TP53INP2: variants seen among roughly 807,000 people sequenced by gnomAD.
TP53INP2 encodes the protein tumor protein p53-inducible nuclear protein 2.
In TP53INP2, 12 loss-of-function variants were observed where a neutral mutation model predicts 17.1. The ratio of observed to expected loss-of-function variants is 0.70; its 90% CI spans 0.45 to 1.14. The LOEUF is 1.14. Ranked by LOEUF, TP53INP2 falls within the 50% of genes most tolerant of loss-of-function variation. TP53INP2 has a pLI of 0.00. For missense variants in TP53INP2, 342 were observed against 330.9 expected, an observed-to-expected ratio of 1.03 and a Z score of -0.26; for synonymous variants, 145 against 147.3, an observed-to-expected ratio of 0.98 and a Z score of 0.12.
In TP53INP2 at chr20:34,710,447, A is replaced by T; in HGVS notation, c.*140A>T. On this transcript the variant is annotated 3_prime_UTR_variant, in exon 5 of 5. Coordinates refer to ENST00000374810, the MANE Select transcript of TP53INP2 (RefSeq NM_021202.3). This position sits in a 1 kb window ranked among gnomAD's most constrained non-coding sequence, Gnocchi z 4.9. ...TAGCCGTTCCTTCCCCGACACCCTC[A>T]ATTTCCCCATCTCTGATCCTCTAAT... The T allele has an allele frequency of 1.1e-6, 1 of 951,774 alleles. No homozygotes were observed. Among genetic ancestry groups the T allele is most frequent in the Non-Finnish European group, 1.4e-6 (1 of 728,684 alleles). The allele number at this position is 951,774 out of a possible 1,614,324, so 59.0% of individuals were successfully genotyped here. A position where few individuals can be genotyped will look rare whatever the true frequency, so the allele number is the denominator to read the frequency against.
rs1206459332 is a variant in TP53INP2, at chr20:34,709,175, G to C, written c.125-61G>C. ...CCCCTTGTCCGGTGTGTGTGTGTGT[G>C]TGTGTGTGTGCCTCCTCGCTGCTCC... On this transcript the variant is annotated intron_variant, in intron 3 of 4. Coordinates refer to ENST00000374810, the MANE Select transcript of TP53INP2 (RefSeq NM_021202.3). This position sits in a 1 kb window ranked among gnomAD's most constrained non-coding sequence, Gnocchi z 5.4. 1 of 1,491,772 alleles carries C rather than the reference G, an allele frequency of 6.7e-7. No homozygotes were observed. Among genetic ancestry groups the C allele is most frequent in the Non-Finnish European group, 8.9e-7 (1 of 1,120,646 alleles). The allele number at this position is 1,491,772 out of a possible 1,614,324, so 92.4% of individuals were successfully genotyped here.
rs200318321 is a variant in TP53INP2, at chr20:34,709,324, G to C, written c.213G>C (p.Trp71Cys). Residue 71 changes from tryptophan (W) to cysteine (C), a missense_variant, in exon 4 of 5, where the codon TGG becomes TGC. Physicochemically the swap from Trp to Cys is radical, Grantham distance 215 (BLOSUM62 -2). Coordinates refer to ENST00000374810, the MANE Select transcript of TP53INP2 (RefSeq NM_021202.3). This position sits in a 1 kb window ranked among gnomAD's most constrained non-coding sequence, Gnocchi z 5.4. ...PPAPSLMDES[W>C]FVTPPACFTA... ...CGCCCTCCTTGATGGACGAGAGCTG[G>C]TTTGTTACCCCTCCCGCCTGTTTTA... 1.5e-4 allele frequency: 240 copies of C among 1,613,232 alleles called. No individual in the cohort carries two copies. Among genetic ancestry groups the C allele is most frequent in the Non-Finnish European group, 2.0e-4 (235 of 1,179,752 alleles).
rs2146827674 is a variant in TP53INP2, at chr20:34,709,576, G to T, written c.413+52G>T. 1 of 1,553,530 alleles carries T rather than the reference G, an allele frequency of 6.4e-7. No individual in the cohort carries two copies. Among genetic ancestry groups the T allele is most frequent in the Non-Finnish European group, 8.6e-7 (1 of 1,157,318 alleles). ...AGGCCCAGGGAGACGGATCTTGGAG[G>T]CCAGGGTCCAGGCTAGGAGGCTGGG... is the stretch of plus-strand genomic sequence containing the variant. On this transcript the variant is annotated intron_variant, in intron 4 of 4. Transcript: ENST00000374810. The surrounding 1 kb of genome is among the most constrained non-coding windows in gnomAD (Gnocchi z 5.4).
In TP53INP2 at chr20:34,710,096, G is replaced by C. The variant is rs757087672; in HGVS notation, c.452G>C (p.Arg151Pro). The C allele has an allele frequency of 2.1e-5, 27 of 1,275,636 alleles. No homozygotes were observed. The highest frequency in any genetic ancestry group is 2.6e-5 in the Non-Finnish European group (26 of 1,014,798). The allele number at this position is 1,275,636 out of a possible 1,614,324, so 79.0% of individuals were successfully genotyped here. Residue 151 changes from arginine (R) to proline (P), a missense_variant, in exon 5 of 5, where the codon CGC becomes CCC. By Grantham distance (103) the Arg-to-Pro change is moderately radical. Transcript: ENST00000374810. The surrounding 1 kb of genome is among the most constrained non-coding windows in gnomAD (Gnocchi z 4.9). ...TPARREPRAA[R>P]HAAPLPARAA... ...GCCCGCCGCGAGCCGCGGGCCGCGC[G>C]CCACGCCGCTCCTCTCCCAGCGCGG... is the stretch of plus-strand genomic sequence containing the variant.
At position 34,712,202 on chromosome 20, in the gene TP53INP2, A is replaced by G. The variant is rs1300829725; in HGVS notation, c.*1895A>G. Reference sequence around the variant, plus strand: ...TCTCCTTCAGAACCTAGTTGCTTTTATTCTTCCAGCTACCACTTGGGCACT... The same window carrying G: ...TCTCCTTCAGAACCTAGTTGCTTTTGTTCTTCCAGCTACCACTTGGGCACT... On this transcript the variant is annotated 3_prime_UTR_variant, in exon 5 of 5. Coordinates refer to ENST00000374810, the MANE Select transcript of TP53INP2 (RefSeq NM_021202.3). The G allele has an allele frequency of 2.0e-5, 3 of 152,652 alleles. No individual in the cohort carries two copies. The highest frequency in any genetic ancestry group is 2.9e-5 in the Non-Finnish European group (2 of 68,094). 9.5% of individuals were successfully genotyped at this position (152,652 alleles called of 1,614,324 possible). A position where few individuals can be genotyped will look rare whatever the true frequency, so the allele number is the denominator to read the frequency against.
rs1312641808 is a variant in TP53INP2 at position 34,712,833 on chromosome 20, G to C, written c.*2526G>C. Reference sequence around the variant, plus strand: ...TACCAGCACTTTGCCAAAACTGTCAGAGGGACCCGTTTCTAGAGTGAGTCC... The same window carrying C: ...TACCAGCACTTTGCCAAAACTGTCACAGGGACCCGTTTCTAGAGTGAGTCC... On this transcript the variant is annotated 3_prime_UTR_variant, in exon 5 of 5. Transcript: ENST00000374810. 1.3e-5 allele frequency: 2 copies of C among 152,718 alleles called. No homozygotes were observed. The highest frequency in any genetic ancestry group is 4.1e-4 in the South Asian group (2 of 4,826). 9.5% of individuals were successfully genotyped at this position (152,718 alleles called of 1,614,324 possible).
intron 2 of TP53INP2, among the ~76,000 whole-genome samples, chr20:34,706,906 G>A (rs1988016051): frequency 6.6e-6 from 1 of 152,160 alleles, no homozygotes; most frequent in Admixed American, 6.5e-5. Context: ...CATCTTTAGG[G>A]AACAGGTGTG....
chr20:34,705,091 G>T (rs1042894744), intron 1 of TP53INP2, among the ~76,000 whole-genome samples: 2 of 152,194 alleles, frequency 1.3e-5, no homozygotes, highest in African/African-American at 4.8e-5. Flanking sequence ...GTCACTCCTA[G>T]ACCCAAAATG....
chr20:34,709,768 C>G lies in TP53INP2; in HGVS notation c.413+244C>G, dbSNP rs1012950808. 6.6e-6 allele frequency among the ~76,000 whole-genome samples: 1 copy of G among 150,732 alleles called. No homozygotes were observed. The highest frequency in any genetic ancestry group is 2.5e-5 in the African/African-American group (1 of 40,340). On this transcript the variant is annotated intron_variant, in intron 4 of 4. Coordinates refer to ENST00000374810, the MANE Select transcript of TP53INP2 (RefSeq NM_021202.3). The surrounding 1 kb of genome is among the most constrained non-coding windows in gnomAD (Gnocchi z 5.4). ...AGGGGCGTGGCCAAGAGGCTGGGGC[C>G]GGGGTTGGAGGCTTGAGGAGCGTGG...
rs899266552 is a variant in TP53INP2 at position 34,709,048 on chromosome 20, C to T, written c.124+185C>T. 6.6e-6 allele frequency among the ~76,000 whole-genome samples: 1 copy of T among 152,050 alleles called. No homozygotes were observed. The highest frequency in any genetic ancestry group is 2.4e-5 in the African/African-American group (1 of 41,424). On this transcript the variant is annotated intron_variant, in intron 3 of 4. Transcript: ENST00000374810. The surrounding 1 kb of genome is among the most constrained non-coding windows in gnomAD (Gnocchi z 5.4). ...GGCGGCCCAGGAGAGGCCCGCACGT[C>T]AGGTCCCCTAGGGCAGCAGGGCGAG...
chr20:34,710,205 G>A lies in TP53INP2; in HGVS notation c.561G>A (p.Lys187=). The change falls in exon 5 of 5, where the codon AAG becomes AAA. Residue 187 remains lysine (K), a synonymous_variant. Transcript: ENST00000374810. The surrounding 1 kb of genome is among the most constrained non-coding windows in gnomAD (Gnocchi z 4.9). ...CAGAGCGCCACGCGCTGAGCGCCAA[G>A]GCGGTGCAGCGGCAGAACCGAGCCC... ...QRAERHALSA[K]AVQRQNRARE... is the part of the protein sequence containing the mutation. The A allele has an allele frequency of 6.8e-7, 1 of 1,469,414 alleles. No individual in the cohort carries two copies. The highest frequency in any genetic ancestry group is 9.1e-7 in the Non-Finnish European group (1 of 1,100,790). 91.0% of individuals were successfully genotyped at this position (1,469,414 alleles called of 1,614,324 possible). A position where few individuals can be genotyped will look rare whatever the true frequency, so the allele number is the denominator to read the frequency against.
rs749204135 is a variant in TP53INP2 at position 34,709,336 on chromosome 20, T to G, written c.225T>G (p.Pro75=). ...TGGACGAGAGCTGGTTTGTTACCCC[T>G]CCCGCCTGTTTTACGGCAGAGGGGC... The part of the protein sequence containing the change: ...SLMDESWFVT[P]PACFTAEGPG... The change falls in exon 4 of 5, where the codon CCT becomes CCG. Residue 75 remains proline (P), a synonymous_variant. Coordinates refer to ENST00000374810, the MANE Select transcript of TP53INP2 (RefSeq NM_021202.3). The surrounding 1 kb of genome is among the most constrained non-coding windows in gnomAD (Gnocchi z 5.4). 42 of 1,613,218 alleles carry G rather than the reference T, an allele frequency of 2.6e-5. No homozygotes were observed. Among genetic ancestry groups the G allele is most frequent in the East Asian group, 6.7e-5 (3 of 44,806 alleles).
chr20:34,710,091 C>G lies in TP53INP2; in HGVS notation c.447C>G (p.Ala149=), dbSNP rs764154318. The change falls in exon 5 of 5, where the codon GCC becomes GCG. Residue 149 remains alanine (A), a synonymous_variant. Transcript: ENST00000374810. This position sits in a 1 kb window ranked among gnomAD's most constrained non-coding sequence, Gnocchi z 4.9. ...CGCCCGCCCGCCGCGAGCCGCGGGC[C>G]GCGCGCCACGCCGCTCCTCTCCCAG... is the stretch of plus-strand genomic sequence containing the variant. ...ELTPARREPR[A]ARHAAPLPAR... 1.6e-6 allele frequency: 2 copies of G among 1,276,562 alleles called. No homozygotes were observed. Among genetic ancestry groups the G allele is most frequent in the Non-Finnish European group, 2.0e-6 (2 of 1,015,226 alleles). 79.1% of individuals were successfully genotyped at this position (1,276,562 alleles called of 1,614,324 possible). A position where few individuals can be genotyped will look rare whatever the true frequency, so the allele number is the denominator to read the frequency against.
At chr20:34,705,632 C>G (rs1162947176) in intron 2 of TP53INP2, among the ~76,000 whole-genome samples, 158 bp downstream of exon 2, 1 of 152,130 alleles carries the variant, frequency 6.6e-6, no homozygotes, top group African/African-American at 2.4e-5. Context: ...AGGTGTTTTG[C>G]TGCTCCCTCG....
Position 34,709,611 on chromosome 20 carries a change from C to G in TP53INP2, c.413+87C>G. ...AGGCTAGGAGGCTGGGGTAGTGGGG[C>G]CAGGAGCCCGCCCCGCGCTCGAGGG... On this transcript the variant is annotated intron_variant, in intron 4 of 4. Coordinates refer to ENST00000374810, the MANE Select transcript of TP53INP2 (RefSeq NM_021202.3). This position sits in a 1 kb window ranked among gnomAD's most constrained non-coding sequence, Gnocchi z 5.4. The G allele has an allele frequency of 1.4e-6, 2 of 1,462,722 alleles. No homozygotes were observed. Among genetic ancestry groups the G allele is most frequent in the Non-Finnish European group, 1.8e-6 (2 of 1,115,316 alleles). 90.6% of individuals were successfully genotyped at this position (1,462,722 alleles called of 1,614,324 possible). A position where few individuals can be genotyped will look rare whatever the true frequency, so the allele number is the denominator to read the frequency against.
intron 2 of TP53INP2, among the ~76,000 whole-genome samples, chr20:34,707,919 G>A (rs1288484761): frequency 6.6e-6 from 1 of 152,114 alleles, no homozygotes; most frequent in East Asian, 1.9e-4. Context: ...CTGCCACCAC[G>A]CCCAGCTAAT....
Position 34,708,764 on chromosome 20 carries a change from T to C in TP53INP2, c.25T>C (p.Phe9Leu). 6.3e-7 allele frequency: 1 copy of C among 1,592,762 alleles called. No homozygotes were observed. The change falls in exon 3 of 5, where the codon TTC (phenylalanine) becomes CTC (leucine). Residue 9 changes from phenylalanine (F) to leucine (L), a missense_variant. By Grantham distance (22) the Phe-to-Leu change is conservative. Coordinates refer to ENST00000374810, the MANE Select transcript of TP53INP2 (RefSeq NM_021202.3). MFQRLSSL[F>L]FSTPSPPEDP... ...CATGTTCCAGCGCCTCTCCAGCCTC[T>C]TCTTCAGCACCCCCTCGCCCCCCGA...
rs1988252560 is a variant in TP53INP2 at position 34,713,126 on chromosome 20, G to A, written c.*2819G>A. ...CCTAGATCCATGTGGCTTTATGTGA[G>A]GGGACTGAATGCAGACACACCATAG... On this transcript the variant is annotated 3_prime_UTR_variant, in exon 5 of 5. Coordinates refer to ENST00000374810, the MANE Select transcript of TP53INP2 (RefSeq NM_021202.3). 1 of 152,574 alleles carries A rather than the reference G, an allele frequency of 6.6e-6. No homozygotes were observed. Among genetic ancestry groups the A allele is most frequent in the Non-Finnish European group, 1.5e-5 (1 of 68,078 alleles). 9.5% of individuals were successfully genotyped at this position (152,574 alleles called of 1,614,324 possible).
chr20:34,709,242 A>G lies in TP53INP2; in HGVS notation c.131A>G (p.Tyr44Cys). The change falls in exon 4 of 5, where the codon TAC becomes TGC. Residue 44 changes from tyrosine (Y) to cysteine (C), a missense_variant. Physicochemically the swap from Tyr to Cys is radical, Grantham distance 194 (BLOSUM62 -2). Transcript: ENST00000374810. This position sits in a 1 kb window ranked among gnomAD's most constrained non-coding sequence, Gnocchi z 5.4. Reference protein sequence around the residue: ...GWLIIDLPDSYAAPPSPGAAP... With the variant: ...GWLIIDLPDSCAAPPSPGAAP... ...CCCATCCCGCGCCCCGTAGACAGCT[A>G]CGCGGCTCCACCCAGCCCCGGGGCC... 2.6e-6 allele frequency: 4 copies of G among 1,559,368 alleles called. No homozygotes were observed. The highest frequency in any genetic ancestry group is 2.6e-6 in the Non-Finnish European group (3 of 1,152,470).
Sources: allele counts gnomAD v4.1 joint callset (sites outside exome capture counted in the v4.1 genomes callset), GRCh38; gene constraint gnomAD v4.1.1; non-coding constraint Gnocchi (gnomAD v3.1); transcripts MANE v1.5; gene names NCBI Gene and HGNC (gene_info 2026-07-23, HGNC 2026-07-21).